Variants in KIAA1217 observed in about 807,000 individuals in gnomAD.
The protein encoded by KIAA1217 is sickle tail protein homolog.
KIAA1217 carries 88 observed loss-of-function variants against 163.9 expected under a neutral mutation model. The ratio of observed to expected loss-of-function variants is 0.54; its 90% CI spans 0.45 to 0.64. The LOEUF (loss-of-function observed/expected upper bound fraction) is 0.64. Among genes scored for constraint, KIAA1217 ranks in the 30% least tolerant of loss-of-function variants. KIAA1217 has a pLI of 0.00. For synonymous variants in KIAA1217, 903 were observed against 923.1 expected (o/e 0.98, Z 0.39); for missense variants, 2,372 against 2,475.0 (o/e 0.96, Z 0.88).
intron 1 of KIAA1217, among the ~76,000 whole-genome samples, 184 bp from the exon 2 acceptor site, chr10:24,219,442 A>G (rs925398102): frequency 6.6e-6 from 1 of 152,198 alleles, no homozygotes; most frequent in Non-Finnish European, 1.5e-5. Context: ...ACGATTTTTC[A>G]TATTTCTTTG....
chr10:23,852,821 G>T (rs1382712842), intron 1 of KIAA1217, among the ~76,000 whole-genome samples: 1 of 152,112 alleles, frequency 6.6e-6, no homozygotes, highest in Non-Finnish European at 1.5e-5. Context: ...CTGTTTGTCT[G>T]TTGCTGGTGT....
At chr10:23,929,915 C>T (rs533295852) in intron 1 of KIAA1217, among the ~76,000 whole-genome samples, 2 of 152,240 alleles carry the variant, frequency 1.3e-5, no homozygotes, top group South Asian at 4.1e-4. Flanking sequence ...AATTTATATT[C>T]CCACTGATAG....
intron 1 of KIAA1217, among the ~76,000 whole-genome samples, chr10:23,860,585 T>C (rs2131132986): frequency 6.6e-6 from 1 of 152,300 alleles, no homozygotes; most frequent in East Asian, 1.9e-4. Flanking sequence ...ATTTCTTTCT[T>C]CCTTTATGTG....
At chr10:24,266,892 T>C (rs1245469851) in intron 2 of KIAA1217, among the ~76,000 whole-genome samples, 1 of 152,168 alleles carries the variant, frequency 6.6e-6, no homozygotes, top group East Asian at 1.9e-4. Flanking sequence ...TTGCTACTGC[T>C]CACGCTTTGG....
intron 3 of KIAA1217, among the ~76,000 whole-genome samples, chr10:24,399,821 A>G (rs916717109): frequency 1.3e-5 from 2 of 152,244 alleles, no homozygotes; most frequent in African/African-American, 2.4e-5. Flanking sequence ...CCTTGTCACC[A>G]CAAACACGTA....
At chr10:23,732,424 T>G (rs749180168) in intron 1 of KIAA1217, among the ~76,000 whole-genome samples, 1 of 152,192 alleles carries the variant, frequency 6.6e-6, no homozygotes, top group African/African-American at 2.4e-5. Context: ...GGTTTTAAAT[T>G]GTATAACAAC....
intron 1 of KIAA1217, among the ~76,000 whole-genome samples, chr10:23,774,259 C>G (rs533270589): frequency 6.6e-6 from 1 of 152,188 alleles, no homozygotes; most frequent in Non-Finnish European, 1.5e-5. Context: ...TACAGTTTAT[C>G]CAGACAAGAA....
At position 23,918,172 on chromosome 10, in the gene KIAA1217, A is replaced by G. The variant is rs77152399; in HGVS notation, c.-320-89053A>G. 9.4e-3 allele frequency among the ~76,000 whole-genome samples: 1,038 copies of G among 110,350 alleles called. 59 individuals carry two copies. In the East Asian group the frequency reaches 0.16, roughly 17 times the overall value. The allele number at this position is 110,350 out of a possible 152,430, so 72.4% of individuals were successfully genotyped here. A position where few individuals can be genotyped will look rare whatever the true frequency, so the allele number is the denominator to read the frequency against. The stretch of plus-strand genomic sequence containing the variant: ...GGACTTTTTTTTTTTTTTTTTTTTT[A>G]AAGAGATAGGGTCTTGCTTCATTCC... On this transcript the variant is annotated intron_variant, in intron 1 of 18. Coordinates refer to the KIAA1217 transcript ENST00000376462.
At chr10:23,887,901 A>G (rs1841252276) in intron 1 of KIAA1217, among the ~76,000 whole-genome samples, 2 of 151,894 alleles carry the variant, frequency 1.3e-5, no homozygotes, top group Non-Finnish European at 2.9e-5. Context: ...AATATTATCC[A>G]GCTACTGGCC....
chr10:24,437,782 T>C (rs1165159969), intron 4 of KIAA1217, among the ~76,000 whole-genome samples: 5 of 151,212 alleles, frequency 3.3e-5, no homozygotes, highest in African/African-American at 1.2e-4. Flanking sequence ...GAAAAACTAA[T>C]TTTCTAACCC....
intron 3 of KIAA1217, among the ~76,000 whole-genome samples, chr10:24,381,427 G>A (rs529629870): frequency 1.1e-3 from 175 of 152,310 alleles, no homozygotes; most frequent in African/African-American, 4.0e-3. Flanking sequence ...CACACAGCAA[G>A]AGGTGAGCAG....
At chr10:24,124,933 T>C (rs2063412512) in intron 2 of KIAA1217, among the ~76,000 whole-genome samples, 1 of 152,206 alleles carries the variant, frequency 6.6e-6, no homozygotes, top group Non-Finnish European at 1.5e-5. Flanking sequence ...TGTTCTATTC[T>C]ATGAGACTGT....
At chr10:24,336,440 T>C (rs183066885) in intron 2 of KIAA1217, among the ~76,000 whole-genome samples, 37 of 152,366 alleles carry the variant, frequency 2.4e-4, no homozygotes, top group Admixed American at 1.4e-3. Flanking sequence ...ACATAAGCAC[T>C]GTAGAGTGTT....
chr10:23,912,296 T>G (rs1023236231), intron 1 of KIAA1217, among the ~76,000 whole-genome samples: 84 of 152,282 alleles, frequency 5.5e-4, no homozygotes, highest in African/African-American at 1.9e-3. Context: ...AAATAACAGT[T>G]GGGAGGCTCA....
chr10:24,474,067 T>A lies in KIAA1217; in HGVS notation c.1679+7T>A. 6.3e-7 allele frequency: 1 copy of A among 1,585,668 alleles called. No homozygotes were observed. The highest frequency in any genetic ancestry group is 8.6e-7 in the Non-Finnish European group (1 of 1,165,262). On this transcript the variant is annotated splice_region_variant and intron_variant, in intron 6 of 20. Coordinates refer to ENST00000376454, the MANE Select transcript of KIAA1217 (RefSeq NM_019590.5). ...CCAAAGACAGAGAGACCAGGTAAGG[T>A]GCAGTGAGGGTGACCGAGGGTGGTA...
chr10:24,135,687 T>G (rs77876147), intron 2 of KIAA1217, among the ~76,000 whole-genome samples: 3,336 of 151,986 alleles, frequency 0.022, 114 homozygotes, highest in African/African-American at 0.074. Flanking sequence ...TCAAGTTAGA[T>G]GAAACAGCAC....
intron 2 of KIAA1217, among the ~76,000 whole-genome samples, chr10:24,359,218 T>C (rs961637720): frequency 6.6e-6 from 1 of 151,760 alleles, no homozygotes; most frequent in Non-Finnish European, 1.5e-5. Flanking sequence ...GCCTCCCAAG[T>C]AGCTGGGACT....
At chr10:23,932,692 A>T (rs1423198923) in intron 1 of KIAA1217, among the ~76,000 whole-genome samples, 3 of 152,078 alleles carry the variant, frequency 2.0e-5, no homozygotes, top group Admixed American at 2.0e-4. Context: ...TTTTTACATT[A>T]AAAAACATGA....
intron 2 of KIAA1217, among the ~76,000 whole-genome samples, chr10:24,108,901 G>C (rs569249113): frequency 6.6e-6 from 1 of 152,020 alleles, no homozygotes. Context: ...GCTCAATATC[G>C]GCTCACTGCA....
Sources: allele counts gnomAD v4.1 joint callset (sites outside exome capture counted in the v4.1 genomes callset), GRCh38; gene constraint gnomAD v4.1.1; transcripts MANE v1.5; gene names NCBI Gene and HGNC (gene_info 2026-07-23, HGNC 2026-07-21).